The following CYB5R3 variants were observed in gnomAD, a reference collection of about 807,000 sequenced individuals.
CYB5R3 encodes cytochrome b5 reductase 3.
A neutral mutation model predicts 36.5 loss-of-function variants in CYB5R3; 28 were observed. That is an observed-to-expected ratio of 0.77 (90% CI 0.57 to 1.05). The LOEUF (loss-of-function observed/expected upper bound fraction) is 1.05, where lower values mean the gene tolerates loss of function less well. CYB5R3 is among the 50% of genes least tolerant of loss of function. The pLI, the probability that CYB5R3 is intolerant of heterozygous loss-of-function variation, is 0.00. For synonymous variants in CYB5R3, 181 were observed against 159.8 expected (o/e 1.13, Z -1.00); for missense variants, 474 against 408.9 (o/e 1.16, Z -1.37).
chr22:42,640,233 T>G, intron 1 of CYB5R3: 2 of 1,588,946 alleles, frequency 1.3e-6, no homozygotes, highest in Non-Finnish European at 1.7e-6. Context: ...CATTCACCAG[T>G]GCTGGGGTCT....
chr22:42,637,515 C>G (rs1449835129), intron 1 of CYB5R3, among the ~76,000 whole-genome samples: 1 of 152,184 alleles, frequency 6.6e-6, no homozygotes, highest in African/African-American at 2.4e-5. Flanking sequence ...GTTCTGCCAT[C>G]AGGTGTAAGG....
chr22:42,631,046 G>C (rs1928589710), intron 3 of CYB5R3, 58 bp from the exon 4 acceptor site: 1 of 1,490,520 alleles, frequency 6.7e-7, no homozygotes, highest in South Asian at 1.2e-5. Flanking sequence ...TGACCCCTGG[G>C]TCTTGTCAAC....
rs1297212492 is a variant in CYB5R3 at position 42,618,355 on chromosome 22, G to C, written c.*1418C>G. 6.7e-6 allele frequency: 1 copy of C among 149,746 alleles called. No individual in the cohort carries two copies. The highest frequency in any genetic ancestry group is 2.5e-5 in the African/African-American group (1 of 39,486). 9.3% of individuals were successfully genotyped at this position (149,746 alleles called of 1,614,324 possible). ...GATCGAGACCATCCCGGCTAAAACGGTGAAACCCCGTCTCTACTAAAAATA... is the reference window on the plus strand; with the variant it reads ...GATCGAGACCATCCCGGCTAAAACGCTGAAACCCCGTCTCTACTAAAAATA... On this transcript the variant is annotated 3_prime_UTR_variant, in exon 9 of 9. Transcript: ENST00000352397.
intron 1 of CYB5R3, among the ~76,000 whole-genome samples, chr22:42,647,575 C>CTGTCTCTACTAAAAGTACAAAAAATAGCT (rs58352269): frequency 6.6e-6 from 1 of 152,164 alleles, no homozygotes; most frequent in African/African-American, 2.4e-5. Context: ...TGGCGAAGCC[C>CTGTCTCTACTAAAAGTACAAAAAATAGCT]AGGTGTGATG....
At chr22:42,644,312 C>A (rs1170212130) in intron 1 of CYB5R3, 4 of 686,716 alleles carry the variant, frequency 5.8e-6, no homozygotes, top group Non-Finnish European at 8.0e-6. Context: ...GGCGGCTCCA[C>A]CCCTCCTCAA....
At chr22:42,636,654 C>T in intron 2 of CYB5R3, 61 bp downstream of exon 2, 1 of 1,594,292 alleles carries the variant, frequency 6.3e-7, no homozygotes, top group Non-Finnish European at 8.5e-7. Context: ...GCCCTGAGCA[C>T]AGAGTAGGTG....
chr22:42,624,975 A>AT (rs1928190475), intron 7 of CYB5R3, among the ~76,000 whole-genome samples: 1 of 152,136 alleles, frequency 6.6e-6, no homozygotes, highest in Non-Finnish European at 1.5e-5. Context: ...GCCTCAACAC[A>AT]TCCCAGGGAA....
Position 42,634,507 on chromosome 22 carries a change from T to C in CYB5R3, c.153+2208A>G, listed in dbSNP as rs528971769. On this transcript the variant is annotated intron_variant, in intron 2 of 8. Transcript: ENST00000352397. ...TGTCACCCAGGCTGGAGTGCAATGGTGTGATCTTGGCTCACTGCAACCTCT... is the reference window on the plus strand; with the variant it reads ...TGTCACCCAGGCTGGAGTGCAATGGCGTGATCTTGGCTCACTGCAACCTCT... 8.2e-4 allele frequency among the ~76,000 whole-genome samples: 123 copies of C among 150,486 alleles called. 2 individuals carry two copies. Among genetic ancestry groups the C allele is most frequent in the Non-Finnish European group, 3.7e-4 (25 of 67,576 alleles).
Position 42,631,755 on chromosome 22 carries a change from G to A in CYB5R3, c.154-305C>T, listed in dbSNP as rs1231141836. 4 of 475,066 alleles carry A rather than the reference G, an allele frequency of 8.4e-6. No individual in the cohort carries two copies. The East Asian group carries it at 1.1e-4, about 14-fold the overall frequency. 29.4% of individuals were successfully genotyped at this position (475,066 alleles called of 1,614,324 possible). On this transcript the variant is annotated intron_variant, in intron 2 of 8. Coordinates refer to ENST00000352397, the MANE Select transcript of CYB5R3 (RefSeq NM_000398.7). Reference sequence around the variant, plus strand: ...CCAAAGGGAGGATGCCAGACAGGACGGGGAGGGAGGAATCCATCTCTGCCA... The same window carrying A: ...CCAAAGGGAGGATGCCAGACAGGACAGGGAGGGAGGAATCCATCTCTGCCA...
In CYB5R3 at chr22:42,640,297, C is replaced by T. The variant is rs1030454242; in HGVS notation, c.22-3451G>A. ...CATGGTTCTGGGATGGAAAGTCCATCATCCCGAATGGCCAGCTGAAGGTCA... is the reference window on the plus strand; with the variant it reads ...CATGGTTCTGGGATGGAAAGTCCATTATCCCGAATGGCCAGCTGAAGGTCA... On this transcript the variant is annotated intron_variant, in intron 1 of 8. Coordinates refer to ENST00000352397, the MANE Select transcript of CYB5R3 (RefSeq NM_000398.7). The T allele has an allele frequency of 9.8e-6, 15 of 1,537,336 alleles. No homozygotes were observed. In the Admixed American group the frequency reaches 2.3e-4, roughly 24 times the overall value.
At chr22:42,631,254 G>T in intron 3 of CYB5R3, 124 bp downstream of exon 3, 1 of 1,021,642 alleles carries the variant, frequency 9.8e-7, no homozygotes, top group Non-Finnish European at 1.4e-6. Context: ...GCCCAGGGCA[G>T]CTGTCACCTC....
At chr22:42,624,270 G>A (rs559246533) in intron 7 of CYB5R3, among the ~76,000 whole-genome samples, 78 of 152,312 alleles carry the variant, frequency 5.1e-4, no homozygotes, top group African/African-American at 1.6e-3. Context: ...GCCCGGGAGC[G>A]GGTGTAACAC....
In CYB5R3 at chr22:42,628,244, C is replaced by G; in HGVS notation, c.371G>C (p.Gly124Ala). The G allele has an allele frequency of 6.2e-7, 1 of 1,614,132 alleles. No individual in the cohort carries two copies. Among genetic ancestry groups the G allele is most frequent in the Non-Finnish European group, 8.5e-7 (1 of 1,179,994 alleles). ...CTCCAGGTACTGAGACATCTTCCCTCCAGCGGGAAACTTGGGATGGGTGTC... is the reference window on the plus strand; with the variant it reads ...CTCCAGGTACTGAGACATCTTCCCTGCAGCGGGAAACTTGGGATGGGTGTC... ...FKDTHPKFPA[G>A]GKMSQYLESM... Residue 124 changes from glycine to alanine, a missense_variant, in exon 5 of 9, where the codon GGA (glycine) becomes GCA (alanine). Coordinates refer to ENST00000352397, the MANE Select transcript of CYB5R3 (RefSeq NM_000398.7).
chr22:42,644,860 C>CCTCCGCGGGCAGCTGG (rs752723655), intron 1 of CYB5R3, among the ~76,000 whole-genome samples: 7 of 152,168 alleles, frequency 4.6e-5, no homozygotes, highest in Non-Finnish European at 7.3e-5. Context: ...GCTTAAGGCC[C>CCTCCGCGGGCAGCTGG]CTCCGCGGGC....
chr22:42,631,285 C>T lies in CYB5R3; in HGVS notation c.226+93G>A, dbSNP rs919680943. On this transcript the variant is annotated intron_variant, in intron 3 of 8. Coordinates refer to ENST00000352397, the MANE Select transcript of CYB5R3 (RefSeq NM_000398.7). ...ACCTCCTCCTGAAGGCTTCCCTGCT[C>T]TCCCTGGTGGAAATGTAAAGCTTCC... The T allele has an allele frequency of 1.1e-4, 146 of 1,313,584 alleles. No individual in the cohort carries two copies. In the African/African-American group the frequency reaches 1.2e-3, roughly 11 times the overall value. 81.4% of individuals were successfully genotyped at this position (1,313,584 alleles called of 1,614,324 possible). A position where few individuals can be genotyped will look rare whatever the true frequency, so the allele number is the denominator to read the frequency against.
chr22:42,639,421 A>G (rs1431732321), intron 1 of CYB5R3, among the ~76,000 whole-genome samples: 2 of 151,912 alleles, frequency 1.3e-5, no homozygotes, highest in East Asian at 1.9e-4. Flanking sequence ...TGAGGTCAGG[A>G]GTTGGAGACC....
chr22:42,640,839 TCTTC>T (rs1038777604), intron 1 of CYB5R3, among the ~76,000 whole-genome samples: 28 of 152,136 alleles, frequency 1.8e-4, no homozygotes, highest in African/African-American at 4.6e-4. Context: ...ATATGTTTTC[TCTTC>T]CTTATGATTT....
chr22:42,640,136 G>A lies in CYB5R3; in HGVS notation c.22-3290C>T, dbSNP rs778222320. 2.5e-6 allele frequency: 4 copies of A among 1,613,694 alleles called. No individual in the cohort carries two copies. The highest frequency in any genetic ancestry group is 4.5e-5 in the East Asian group (2 of 44,882). Reference sequence around the variant, plus strand: ...TTTTTCAGGCTCTGAATAGCTCTAGGGATCTCAGCAGGGGTGGGAGGAACC... The same window carrying A: ...TTTTTCAGGCTCTGAATAGCTCTAGAGATCTCAGCAGGGGTGGGAGGAACC... On this transcript the variant is annotated intron_variant, in intron 1 of 8. Transcript: ENST00000352397.
Position 42,619,395 on chromosome 22 carries a change from T to C in CYB5R3, c.*378A>G, listed in dbSNP as rs1488242570. The C allele has an allele frequency of 2.9e-5, 7 of 243,364 alleles. No individual in the cohort carries two copies. Among genetic ancestry groups the C allele is most frequent in the African/African-American group, 6.6e-5 (3 of 45,312 alleles). 15.1% of individuals were successfully genotyped at this position (243,364 alleles called of 1,614,324 possible). A position where few individuals can be genotyped will look rare whatever the true frequency, so the allele number is the denominator to read the frequency against. On this transcript the variant is annotated 3_prime_UTR_variant, in exon 9 of 9. Coordinates refer to ENST00000352397, the MANE Select transcript of CYB5R3 (RefSeq NM_000398.7). ...GGCACCTGCAGCTTTGGGCTGCCCA[T>C]GTGTGTCTGCTGACATCCCGACTAT...
Sources: gnomAD v4.1 joint callset for allele counts (sites outside exome capture counted in the v4.1 genomes callset) on GRCh38, gnomAD v4.1.1 for gene constraint, MANE v1.5 for transcripts, NCBI Gene and HGNC (gene_info 2026-07-23, HGNC 2026-07-21) for gene names.